AFAP1L2: variants seen among roughly 807,000 people sequenced by gnomAD.
AFAP1L2 encodes actin filament associated protein 1 like 2, also known as actin filament-associated protein 1-like 2.
AFAP1L2 carries 46 observed loss-of-function variants against 99.3 expected under a neutral mutation model. That is an observed-to-expected ratio of 0.46 (90% CI 0.37 to 0.59). The LOEUF (loss-of-function observed/expected upper bound fraction) is 0.59. AFAP1L2 is among the 20% of genes least tolerant of loss of function. AFAP1L2 has a pLI of 0.00. For synonymous variants in AFAP1L2, 397 were observed against 419.1 expected, an observed-to-expected ratio of 0.95 and a Z score of 0.64; for missense variants, 959 against 1,034.9, an observed-to-expected ratio of 0.93 and a Z score of 1.01.
chr10:114,358,444 A>G (rs1485772652), intron 1 of AFAP1L2, among the ~76,000 whole-genome samples: 3 of 152,200 alleles, frequency 2.0e-5, no homozygotes, highest in African/African-American at 4.8e-5. Context: ...AAACAGACTC[A>G]GGGAGGTTAA....
At chr10:114,281,809 C>T in the AFAP1L2 span, 1 of 943,838 alleles carries the variant, frequency 1.1e-6, no homozygotes, top group Non-Finnish European at 1.3e-6. Context: ...GATAGAATTA[C>T]TATACAAAGA....
At chr10:114,370,038 C>A (rs1188346299) in intron 1 of AFAP1L2, among the ~76,000 whole-genome samples, 1 of 152,162 alleles carries the variant, frequency 6.6e-6, no homozygotes, top group Admixed American at 6.5e-5. Flanking sequence ...CCAGCTGATC[C>A]CCCTCCCTGA....
intron 1 of AFAP1L2, among the ~76,000 whole-genome samples, chr10:114,361,113 A>G (rs1280979029): frequency 6.6e-6 from 1 of 152,110 alleles, no homozygotes; most frequent in Non-Finnish European, 1.5e-5. Context: ...TTATAATTAA[A>G]CCATCAAATC....
At chr10:114,302,272 C>G in intron 12 of AFAP1L2, 67 bp downstream of exon 12, 2 of 1,603,962 alleles carry the variant, frequency 1.2e-6, no homozygotes, top group Non-Finnish European at 1.7e-6. Flanking sequence ...CTGACTCTGG[C>G]TGACCCAGGG....
At chr10:114,328,661 G>A (rs760343479) in intron 4 of AFAP1L2, among the ~76,000 whole-genome samples, 5 of 152,182 alleles carry the variant, frequency 3.3e-5, no homozygotes, top group African/African-American at 4.8e-5. Flanking sequence ...GGGTTCCAGC[G>A]GCCATGGCCT....
Position 114,377,034 on chromosome 10 carries a change from G to A in AFAP1L2, c.16+27406C>T, listed in dbSNP as rs1365540654. Reference sequence around the variant, plus strand: ...GAAGGTGAAGGGCACTCAACTTGGTGTTTTCAAATATCACTGGGGGCATTA... The same window carrying A: ...GAAGGTGAAGGGCACTCAACTTGGTATTTTCAAATATCACTGGGGGCATTA... On this transcript the variant is annotated intron_variant, in intron 1 of 18. Coordinates refer to ENST00000304129, the MANE Select transcript of AFAP1L2 (RefSeq NM_001001936.3). This position sits in a 1 kb window ranked among gnomAD's most constrained non-coding sequence, Gnocchi z 4.0. Among the ~76,000 whole-genome samples the A allele has an allele frequency of 6.6e-6, 1 of 152,154 alleles. No homozygotes were observed. The highest frequency in any genetic ancestry group is 2.4e-5 in the African/African-American group (1 of 41,424).
chr10:114,362,401 C>A (rs144379758), intron 1 of AFAP1L2, among the ~76,000 whole-genome samples: 1 of 152,216 alleles, frequency 6.6e-6, no homozygotes, highest in East Asian at 1.9e-4. Context: ...CTGCACCCAG[C>A]GACTGGGGTC....
At position 114,326,081 on chromosome 10, in the gene AFAP1L2, C is replaced by T. The variant is rs1284747179; in HGVS notation, c.316-2820G>A. 6 of 1,273,892 alleles carry T rather than the reference C, an allele frequency of 4.7e-6. No homozygotes were observed. In the Admixed American group the frequency reaches 9.3e-5, roughly 20 times the overall value. The allele number at this position is 1,273,892 out of a possible 1,614,324, so 78.9% of individuals were successfully genotyped here. On this transcript the variant is annotated intron_variant, in intron 4 of 18. Coordinates refer to ENST00000304129, the MANE Select transcript of AFAP1L2 (RefSeq NM_001001936.3). ...ACAAAGGGAGGAGTGAACCCTTCTGCAGGAGCTCCCCATGGGTCATCATCA... is the reference window on the plus strand; with the variant it reads ...ACAAAGGGAGGAGTGAACCCTTCTGTAGGAGCTCCCCATGGGTCATCATCA...
At chr10:114,359,714 G>T (rs1303100578) in intron 1 of AFAP1L2, among the ~76,000 whole-genome samples, 1 of 152,134 alleles carries the variant, frequency 6.6e-6, no homozygotes, top group African/African-American at 2.4e-5. Flanking sequence ...GATAGTTCTT[G>T]GTACACTGTA....
intron 5 of AFAP1L2, among the ~76,000 whole-genome samples, chr10:114,320,127 GTTAT>G (rs1386063712): frequency 2.6e-5 from 4 of 152,174 alleles, no homozygotes; most frequent in Admixed American, 6.5e-5. Flanking sequence ...GAGCTGCTGG[GTTAT>G]TTGTTACAGC....
chr10:114,301,811 A>T, intron 12 of AFAP1L2: 1 of 334,110 alleles, frequency 3.0e-6, no homozygotes, highest in Non-Finnish European at 5.7e-6. Flanking sequence ...CATCTTCACA[A>T]TACACTTGGG....
intron 1 of AFAP1L2, among the ~76,000 whole-genome samples, chr10:114,402,235 A>C (rs939898273): frequency 2.0e-5 from 3 of 152,232 alleles, no homozygotes; most frequent in Non-Finnish European, 4.4e-5. Context: ...TACCGATTCT[A>C]GTCAGTCACA....
chr10:114,350,747 T>C (rs2050344624), intron 1 of AFAP1L2, among the ~76,000 whole-genome samples: 1 of 152,118 alleles, frequency 6.6e-6, no homozygotes, highest in South Asian at 2.1e-4. Flanking sequence ...GGGAAGGGCA[T>C]GGAGGTGGCT....
downstream of AFAP1L2, among the ~76,000 whole-genome samples, chr10:114,291,015 T>C (rs560357070): frequency 6.6e-6 from 1 of 152,270 alleles, no homozygotes; most frequent in South Asian, 2.1e-4. Flanking sequence ...CTTGGTTTTT[T>C]GGCCACGGGC....
chr10:114,301,819 G>A (rs1277473777), intron 12 of AFAP1L2: 1 of 319,048 alleles, frequency 3.1e-6, no homozygotes, highest in Non-Finnish European at 6.0e-6. Context: ...CAATACACTT[G>A]GGGTGGCGCA....
intron 13 of AFAP1L2, 91 bp downstream of exon 13, chr10:114,301,263 G>T: frequency 9.2e-7 from 1 of 1,081,548 alleles, no homozygotes; most frequent in Non-Finnish European, 1.4e-6. Flanking sequence ...CTCATCTCAG[G>T]GATACTCTAA....
chr10:114,287,744 G>C, the AFAP1L2 span, among the ~76,000 whole-genome samples: 1 of 152,158 alleles, frequency 6.6e-6, no homozygotes, highest in Non-Finnish European at 1.5e-5. Flanking sequence ...GACAATAGTG[G>C]AGAGTTCCCT....
chr10:114,345,172 T>C (rs2049349962), intron 1 of AFAP1L2, among the ~76,000 whole-genome samples: 1 of 141,408 alleles, frequency 7.1e-6, no homozygotes, highest in Non-Finnish European at 1.5e-5. Context: ...TACATGTGTT[T>C]GGGAAACCAC....
At chr10:114,401,086 T>C (rs771678006) in intron 1 of AFAP1L2, among the ~76,000 whole-genome samples, 2 of 152,250 alleles carry the variant, frequency 1.3e-5, no homozygotes, top group Non-Finnish European at 2.9e-5. Context: ...TTGCAGTTCA[T>C]ATCTGCCTCC....
Sources: gnomAD v4.1 joint callset for allele counts (sites outside exome capture counted in the v4.1 genomes callset) on GRCh38, gnomAD v4.1.1 for gene constraint, Gnocchi (gnomAD v3.1) non-coding constraint, MANE v1.5 for transcripts, NCBI Gene and HGNC (gene_info 2026-07-23, HGNC 2026-07-21) for gene names.